Variants in NALF1 observed in about 807,000 individuals in gnomAD.
NALF1 encodes the protein NALCN channel auxiliary factor 1, also known as family with sequence similarity 155 member A.
Under a neutral mutation model 48.4 loss-of-function variants are expected in NALF1, and 3 were observed. The ratio of observed to expected loss-of-function variants is 0.06; its 90% CI spans 0.03 to 0.16. NALF1 has a LOEUF of 0.16. NALF1 is among the 10% of genes least tolerant of loss of function. NALF1 has a pLI of 1.00. For synonymous variants in NALF1, 262 were observed against 245.7 expected (o/e 1.07, Z -0.62); for missense variants, 526 against 571.5 (o/e 0.92, Z 0.81).
At chr13:107,496,252 G>T (rs1346772487) in intron 1 of NALF1, among the ~76,000 whole-genome samples, 1 of 152,102 alleles carries the variant, frequency 6.6e-6, no homozygotes, top group Non-Finnish European at 1.5e-5. Context: ...AGACATTTTA[G>T]GCACAAATAG....
At chr13:107,630,124 G>T (rs2057530) in intron 1 of NALF1, among the ~76,000 whole-genome samples, 88,066 of 151,860 alleles carry the variant, frequency 0.58, 27,963 homozygotes, top group East Asian at 0.99. Context: ...GTTATTGATA[G>T]CCTACTGCTC....
At chr13:107,502,321 T>C (rs533316111) in intron 1 of NALF1, among the ~76,000 whole-genome samples, 113 of 152,304 alleles carry the variant, frequency 7.4e-4, no homozygotes, top group African/African-American at 2.6e-3. Context: ...CCCCACCCTG[T>C]AGCAAATGCA....
chr13:107,544,221 C>A (rs759459173), intron 1 of NALF1, among the ~76,000 whole-genome samples: 68 of 152,076 alleles, frequency 4.5e-4, no homozygotes, highest in Non-Finnish European at 6.5e-4. Flanking sequence ...TGGGCTGATG[C>A]ATGCTTTTAG....
At chr13:107,751,612 A>T (rs1876939254) in intron 1 of NALF1, among the ~76,000 whole-genome samples, 1 of 152,224 alleles carries the variant, frequency 6.6e-6, no homozygotes, top group Admixed American at 6.5e-5. Context: ...ACAAATATAT[A>T]TTACCTGCTG....
chr13:107,585,015 A>G (rs1409449425), intron 1 of NALF1, among the ~76,000 whole-genome samples: 1 of 152,186 alleles, frequency 6.6e-6, no homozygotes, highest in Non-Finnish European at 1.5e-5. Flanking sequence ...TCGGCAGTAG[A>G]CACACAGATA....
intron 1 of NALF1, among the ~76,000 whole-genome samples, chr13:107,425,795 T>C (rs1050597263): frequency 1.3e-5 from 2 of 152,132 alleles, no homozygotes; most frequent in African/African-American, 4.8e-5. Flanking sequence ...TGGTGTTGAG[T>C]ATGCACTATG....
intron 1 of NALF1, among the ~76,000 whole-genome samples, chr13:107,825,937 C>A (rs954239370): frequency 6.6e-6 from 1 of 151,694 alleles, no homozygotes; most frequent in East Asian, 1.9e-4. Flanking sequence ...CCCGCCACTG[C>A]GCCCAGCTAA....
At chr13:107,752,832 CG>C (rs1566468674) in intron 1 of NALF1, among the ~76,000 whole-genome samples, 1 of 152,128 alleles carries the variant, frequency 6.6e-6, no homozygotes, top group African/African-American at 2.4e-5. Flanking sequence ...CCAGGACATA[CG>C]TAAACCTGTT....
At chr13:107,660,361 G>C (rs895496831) in intron 1 of NALF1, among the ~76,000 whole-genome samples, 1 of 150,960 alleles carries the variant, frequency 6.6e-6, no homozygotes, top group Admixed American at 6.6e-5. Context: ...CTTGAACCTG[G>C]GGGCAGAGGT....
chr13:107,302,215 CAGG>C (rs1396126128), intron 1 of NALF1, among the ~76,000 whole-genome samples: 4 of 152,188 alleles, frequency 2.6e-5, no homozygotes, highest in African/African-American at 9.6e-5. Context: ...GAGCCCACAC[CAGG>C]AGAAGGATTC....
intron 1 of NALF1, among the ~76,000 whole-genome samples, chr13:107,839,557 T>C (rs1438994510): frequency 1.3e-5 from 2 of 151,578 alleles, no homozygotes; most frequent in Non-Finnish European, 2.9e-5. Context: ...GTTCAATTAT[T>C]CCCCACCTGT....
At chr13:107,527,328 T>C (rs1876480080) in intron 1 of NALF1, among the ~76,000 whole-genome samples, 1 of 152,054 alleles carries the variant, frequency 6.6e-6, no homozygotes, top group African/African-American at 2.4e-5. Flanking sequence ...TTTGGGAACA[T>C]GAACAGAGAA....
At chr13:107,497,207 C>A (rs980279433) in intron 1 of NALF1, among the ~76,000 whole-genome samples, 2 of 152,018 alleles carry the variant, frequency 1.3e-5, no homozygotes, top group Non-Finnish European at 2.9e-5. Context: ...TGCTATATCT[C>A]AGAACATGAA....
At chr13:107,565,262 G>A (rs574276195) in intron 1 of NALF1, among the ~76,000 whole-genome samples, 1 of 151,384 alleles carries the variant, frequency 6.6e-6, no homozygotes, top group African/African-American at 2.4e-5. Flanking sequence ...GCCCACACTT[G>A]TAATCCCATC....
chr13:107,287,295 C>A (rs775299420), intron 1 of NALF1, among the ~76,000 whole-genome samples: 2 of 152,172 alleles, frequency 1.3e-5, no homozygotes, highest in Non-Finnish European at 2.9e-5. Context: ...CAAGCATATA[C>A]AATGCCACAT....
At chr13:107,818,283 AT>A (rs943317241) in intron 1 of NALF1, among the ~76,000 whole-genome samples, 2 of 152,018 alleles carry the variant, frequency 1.3e-5, no homozygotes, top group African/African-American at 4.8e-5. Context: ...TTTTTAAGGG[AT>A]TGGGGGACAT....
intron 1 of NALF1, among the ~76,000 whole-genome samples, chr13:107,463,039 G>A (rs1204807524): frequency 6.6e-6 from 1 of 152,218 alleles, no homozygotes; most frequent in East Asian, 1.9e-4. Flanking sequence ...CATAAAAGCA[G>A]AGATAGTTCC....
intron 1 of NALF1, among the ~76,000 whole-genome samples, chr13:107,694,002 A>G (rs1480333333): frequency 1.3e-5 from 2 of 152,180 alleles, no homozygotes; most frequent in African/African-American, 4.8e-5. Context: ...GGTGCCAGCC[A>G]CCCCTTGATC....
intron 1 of NALF1, among the ~76,000 whole-genome samples, chr13:107,612,370 A>C (rs1879254675): frequency 6.6e-6 from 1 of 152,078 alleles, no homozygotes; most frequent in South Asian, 2.1e-4. Flanking sequence ...TATAGTTACC[A>C]ATACTGCAAT....
Sources: gnomAD v4.1 joint callset for allele counts (sites outside exome capture counted in the v4.1 genomes callset) on GRCh38, gnomAD v4.1.1 for gene constraint, MANE v1.5 for transcripts, NCBI Gene and HGNC (gene_info 2026-07-23, HGNC 2026-07-21) for gene names.